FYB2: variants seen among roughly 807,000 people sequenced by gnomAD.
FYB2 encodes the protein FYN-binding protein 2.
A neutral mutation model predicts 94.1 loss-of-function variants in FYB2; 103 were observed. The ratio of observed to expected loss-of-function variants is 1.09; its 90% CI spans 0.93 to 1.29. The LOEUF (loss-of-function observed/expected upper bound fraction) is 1.29. Among genes scored for constraint, FYB2 ranks in the 50% most tolerant of loss-of-function variants. The pLI is 0.00. For synonymous variants in FYB2, 293 were observed against 287.9 expected (o/e 1.02, Z -0.18); for missense variants, 896 against 841.5 (o/e 1.06, Z -0.80).
chr1:56,760,516 T>C (rs2100762863), intron 5 of FYB2, among the ~76,000 whole-genome samples: 1 of 152,292 alleles, frequency 6.6e-6, no homozygotes, highest in Admixed American at 6.5e-5. Context: ...ATTAATACTT[T>C]AAAAATACCT....
At chr1:56,766,679 C>T (rs181084752) in intron 5 of FYB2, among the ~76,000 whole-genome samples, 8 of 152,242 alleles carry the variant, frequency 5.3e-5, no homozygotes, top group East Asian at 1.9e-4. Flanking sequence ...TATCGTGATC[C>T]GCCCATCTCG....
rs772385732 is a variant in FYB2, at chr1:56,720,194, A to G, written c.2110T>C (p.Cys704Arg). 1.2e-6 allele frequency: 2 copies of G among 1,610,930 alleles called. No homozygotes were observed. Among genetic ancestry groups the G allele is most frequent in the Non-Finnish European group, 8.5e-7 (1 of 1,178,700 alleles). ...TTACATTTGCCTTTAGAATTACGAC[A>G]TATCACTAGATTTTGTTCGGTGGTA... ...IDTTEQNLVI[C>R]RNSKGKYGYV... The change falls in exon 18 of 20, where the codon TGT becomes CGT. Residue 704 changes from cysteine to arginine, a missense_variant. Coordinates refer to ENST00000343433, the MANE Select transcript of FYB2 (RefSeq NM_001004303.5).
intron 1 of FYB2, among the ~76,000 whole-genome samples, chr1:56,796,933 G>A (rs1039106108): frequency 1.2e-4 from 19 of 152,182 alleles, no homozygotes; most frequent in African/African-American, 4.6e-4. Context: ...TTACAAAGAT[G>A]AATGAGGCAA....
intron 19 of FYB2, 22 bp from the exon 20 acceptor site, chr1:56,719,714 C>T (rs758308028): frequency 1.3e-6 from 2 of 1,558,340 alleles, no homozygotes; most frequent in Non-Finnish European, 1.8e-6. Flanking sequence ...TAAAAATATG[C>T]AAACATTTTA....
the FYB2 span, among the ~76,000 whole-genome samples, chr1:56,825,727 T>C: frequency 6.6e-6 from 1 of 152,202 alleles, no homozygotes; most frequent in Admixed American, 6.5e-5. Context: ...TACTCATTCA[T>C]CCAACACATG....
chr1:56,766,611 G>A (rs571859413), intron 5 of FYB2, among the ~76,000 whole-genome samples: 1 of 152,062 alleles, frequency 6.6e-6, no homozygotes, highest in South Asian at 2.1e-4. Flanking sequence ...TAAATTTTTT[G>A]TATTTTTAGT....
At chr1:56,786,027 T>C (rs1308851761) in intron 4 of FYB2, among the ~76,000 whole-genome samples, 1 of 152,188 alleles carries the variant, frequency 6.6e-6, no homozygotes, top group Non-Finnish European at 1.5e-5. Flanking sequence ...GCAGCGACTG[T>C]AGGAGAGTGC....
intron 8 of FYB2, 131 bp from the exon 9 acceptor site, chr1:56,751,334 A>C (rs2100689731): frequency 9.8e-7 from 1 of 1,015,956 alleles, no homozygotes; most frequent in Middle Eastern, 3.2e-4. Context: ...ATTGAATAAT[A>C]TCTTACTAGA....
chr1:56,736,964 C>T, intron 15 of FYB2, 123 bp downstream of exon 15: 1 of 771,076 alleles, frequency 1.3e-6, no homozygotes, highest in East Asian at 2.9e-5. Context: ...AGAAGACTAT[C>T]TTAAGTTGAC....
intron 2 of FYB2, 61 bp from the exon 3 acceptor site, chr1:56,789,195 A>G (rs545283484): frequency 6.6e-7 from 1 of 1,515,186 alleles, no homozygotes; most frequent in Non-Finnish European, 8.8e-7. Flanking sequence ...GCTTGTGGGT[A>G]AAACTGGTTT....
chr1:56,762,622 T>C (rs1645524919), intron 5 of FYB2, among the ~76,000 whole-genome samples: 1 of 152,326 alleles, frequency 6.6e-6, no homozygotes, highest in Admixed American at 6.5e-5. Flanking sequence ...CTAGGAGGGT[T>C]TTTGTGTGCT....
chr1:56,769,858 G>A (rs1393823616), intron 4 of FYB2, among the ~76,000 whole-genome samples: 1 of 152,078 alleles, frequency 6.6e-6, no homozygotes, highest in Non-Finnish European at 1.5e-5. Context: ...AATGTACATA[G>A]ATTAAGCTAT....
intron 4 of FYB2, among the ~76,000 whole-genome samples, chr1:56,782,826 T>G (rs1164257091): frequency 6.6e-6 from 1 of 152,152 alleles, no homozygotes; most frequent in East Asian, 1.9e-4. Context: ...ACCTCCTTTA[T>G]GTGTCTGAGT....
At chr1:56,795,580 T>C (rs2100996557) in intron 1 of FYB2, among the ~76,000 whole-genome samples, 1 of 152,272 alleles carries the variant, frequency 6.6e-6, no homozygotes, top group East Asian at 1.9e-4. Context: ...AACTGCACCA[T>C]TTTACATTCT....
intron 9 of FYB2, among the ~76,000 whole-genome samples, chr1:56,747,019 C>T (rs185523519): frequency 4.1e-4 from 62 of 151,754 alleles, no homozygotes; most frequent in African/African-American, 1.4e-3. Flanking sequence ...AGTGTATTTG[C>T]CTTTTGGATG....
intron 1 of FYB2, among the ~76,000 whole-genome samples, chr1:56,813,372 A>G (rs1257285814): frequency 6.6e-6 from 1 of 152,214 alleles, no homozygotes; most frequent in Admixed American, 6.5e-5. Flanking sequence ...GCAGCAGGTA[A>G]GAGAGTGTGT....
chr1:56,796,202 A>G (rs1646393225), intron 1 of FYB2, among the ~76,000 whole-genome samples: 1 of 152,094 alleles, frequency 6.6e-6, no homozygotes, highest in Non-Finnish European at 1.5e-5. Context: ...CAGCACTAAT[A>G]TTTAGATTTT....
chr1:56,799,058 C>A (rs1646463210), intron 1 of FYB2, among the ~76,000 whole-genome samples: 1 of 152,150 alleles, frequency 6.6e-6, no homozygotes, highest in African/African-American at 2.4e-5. Flanking sequence ...TTTCTATCCT[C>A]ATCATCCTTA....
intron 1 of FYB2, among the ~76,000 whole-genome samples, chr1:56,808,633 G>A (rs1646697889): frequency 6.6e-6 from 1 of 152,192 alleles, no homozygotes. Flanking sequence ...ACATTCTGCA[G>A]CCTAGCTGGT....
Sources: gnomAD v4.1 joint callset for allele counts (sites outside exome capture counted in the v4.1 genomes callset) on GRCh38, gnomAD v4.1.1 for gene constraint, MANE v1.5 for transcripts, NCBI Gene and HGNC (gene_info 2026-07-23, HGNC 2026-07-21) for gene names.